AGMO: variants seen among roughly 807,000 people sequenced by gnomAD.
The protein encoded by AGMO is alkylglycerol monooxygenase, also known as glyceryl-ether monooxygenase.
A neutral mutation model predicts 60.2 loss-of-function variants in AGMO; 75 were observed. That is an observed-to-expected ratio of 1.25 (90% CI 1.03 to 1.51). The LOEUF is 1.51. AGMO is among the 40% of genes most tolerant of loss of function. AGMO has a pLI of 0.00. For synonymous variants in AGMO, 261 were observed against 177.1 expected, an observed-to-expected ratio of 1.47 and a Z score of -3.76; for missense variants, 763 against 525.5, an observed-to-expected ratio of 1.45 and a Z score of -4.42.
the AGMO span, among the ~76,000 whole-genome samples, chr7:15,144,916 G>A: frequency 6.6e-6 from 1 of 152,126 alleles, no homozygotes; most frequent in African/African-American, 2.4e-5. Context: ...TGCAAGCTCC[G>A]CCTTCCGGGT....
At position 15,390,912 on chromosome 7, in the gene AGMO, G is replaced by A. The variant is rs751295715; in HGVS notation, c.677-7C>T. ...ATGCAATAACGATTTCTGCCTATGA[G>A]ACAAAATATTAGAAATTTTTTTTCA... On this transcript the variant is annotated splice_polypyrimidine_tract_variant and splice_region_variant and intron_variant, in intron 6 of 12. Transcript: ENST00000342526. 6.4e-6 allele frequency: 10 copies of A among 1,566,220 alleles called. No homozygotes were observed. In the African/African-American group the frequency reaches 9.6e-5, roughly 15 times the overall value.
intron 12 of AGMO, among the ~76,000 whole-genome samples, chr7:15,251,298 G>A (rs76527197): frequency 0.013 from 2,043 of 152,176 alleles, 26 homozygotes; most frequent in Non-Finnish European, 0.019. Flanking sequence ...ACTTAAATCA[G>A]AGACTGAGGG....
chr7:15,394,476 T>G (rs535079508), intron 5 of AGMO, among the ~76,000 whole-genome samples: 1 of 152,308 alleles, frequency 6.6e-6, no homozygotes, highest in South Asian at 2.1e-4. Flanking sequence ...GGGAAACGAC[T>G]AGGTTTTCAT....
chr7:15,171,740 A>ACCAG, the AGMO span, among the ~76,000 whole-genome samples: 1 of 152,208 alleles, frequency 6.6e-6, no homozygotes, highest in African/African-American at 2.4e-5. Context: ...CAAGTTTCTT[A>ACCAG]TTAACATTTA....
At chr7:15,498,060 G>A (rs1298611361) in intron 3 of AGMO, among the ~76,000 whole-genome samples, 1 of 151,944 alleles carries the variant, frequency 6.6e-6, no homozygotes, top group African/African-American at 2.4e-5. Flanking sequence ...TCCCCTCAGT[G>A]AATTAGATCA....
chr7:15,544,994 A>G (rs959537552), intron 2 of AGMO, 71 bp from the exon 3 acceptor site: 19 of 1,114,016 alleles, frequency 1.7e-5, no homozygotes, highest in Non-Finnish European at 2.1e-5. Context: ...AATGTTTTAG[A>G]TAACATTTAA....
At position 15,555,282 on chromosome 7, in the gene AGMO, TATATATATATACACAC is replaced by T. The variant is rs1442167571; in HGVS notation, c.257+4843_257+4858del. Among the ~76,000 whole-genome samples the T allele has an allele frequency of 6.0e-5, 6 of 99,366 alleles. No individual in the cohort carries two copies. In the East Asian group the frequency reaches 1.6e-3, roughly 26 times the overall value. The allele number at this position is 99,366 out of a possible 152,430, so 65.2% of individuals were successfully genotyped here. A position where few individuals can be genotyped will look rare whatever the true frequency, so the allele number is the denominator to read the frequency against. On this transcript the variant is annotated intron_variant, in intron 2 of 12. Transcript: ENST00000342526. ...TAATGTATTGGATCATATATATATA[TATATATATATACACAC>T]ACACACACACACACACACACACACA...
chr7:15,554,474 A>G (rs1251270880), intron 2 of AGMO, among the ~76,000 whole-genome samples: 5 of 152,052 alleles, frequency 3.3e-5, no homozygotes, highest in Non-Finnish European at 5.9e-5. Context: ...AGCAACCTGC[A>G]TATAGAGAGA....
intron 3 of AGMO, among the ~76,000 whole-genome samples, chr7:15,478,628 C>T (rs1782661020): frequency 6.6e-6 from 1 of 152,074 alleles, no homozygotes; most frequent in Admixed American, 6.6e-5. Context: ...ATTTGCTGAA[C>T]TGAATAGAAC....
chr7:15,365,920 T>C (rs1782958379), intron 11 of AGMO, among the ~76,000 whole-genome samples: 1 of 152,066 alleles, frequency 6.6e-6, no homozygotes, highest in Non-Finnish European at 1.5e-5. Context: ...TGAGACTCTT[T>C]TCACTGATTT....
chr7:15,456,106 T>A (rs915084301), intron 3 of AGMO, among the ~76,000 whole-genome samples: 1 of 152,066 alleles, frequency 6.6e-6, no homozygotes, highest in Non-Finnish European at 1.5e-5. Flanking sequence ...CATTTAAAAA[T>A]TCTATCTTAT....
chr7:15,233,880 C>A (rs1782335020), intron 12 of AGMO, among the ~76,000 whole-genome samples: 1 of 152,100 alleles, frequency 6.6e-6, no homozygotes, highest in Non-Finnish European at 1.5e-5. Flanking sequence ...AACCCTGTCT[C>A]TACTAAAAAT....
chr7:15,170,615 T>G, the AGMO span, among the ~76,000 whole-genome samples: 1 of 152,218 alleles, frequency 6.6e-6, no homozygotes, highest in East Asian at 1.9e-4. Context: ...AAAGATAGTA[T>G]AGAGTATTTC....
chr7:15,256,531 G>T (rs1026073338), intron 12 of AGMO, among the ~76,000 whole-genome samples: 13 of 152,034 alleles, frequency 8.6e-5, no homozygotes, highest in Middle Eastern at 3.4e-3. Flanking sequence ...GTAATTTTTT[G>T]TGTGTGTATT....
intron 3 of AGMO, among the ~76,000 whole-genome samples, chr7:15,463,759 T>C (rs1782206468): frequency 6.6e-6 from 1 of 152,178 alleles, no homozygotes; most frequent in Admixed American, 6.5e-5. Flanking sequence ...GAGCCTTTTC[T>C]TTCTGTCTGA....
At chr7:15,198,257 C>CAGAGAGAGAGAGAGAGAGAG (rs1229360945), downstream of AGMO, among the ~76,000 whole-genome samples, 45 of 56,580 alleles carry the variant, frequency 8.0e-4, no homozygotes, top group African/African-American at 4.0e-3. Context: ...GAGAGAGAGA[C>CAGAGAGAGAGAGAGAGAGAG]AGAGACAGAG....
At chr7:15,450,568 G>A (rs2128505379) in intron 3 of AGMO, among the ~76,000 whole-genome samples, 1 of 152,080 alleles carries the variant, frequency 6.6e-6, no homozygotes, top group East Asian at 1.9e-4. Flanking sequence ...AAAGGACCAA[G>A]ACTATCTTTG....
rs1277622694 is a variant in AGMO, at chr7:15,366,133, T to G, written c.1157+7A>C. ...AGTAAAAACAATGCAAGAATTTCAC[T>G]TCTTGCCTTTGATCCAGAAGAAATC... On this transcript the variant is annotated splice_region_variant and intron_variant, in intron 11 of 12. Coordinates refer to ENST00000342526, the MANE Select transcript of AGMO (RefSeq NM_001004320.2). 8 of 1,598,368 alleles carry G rather than the reference T, an allele frequency of 5.0e-6. No individual in the cohort carries two copies. The highest frequency in any genetic ancestry group is 6.0e-6 in the Non-Finnish European group (7 of 1,170,398).
intron 10 of AGMO, among the ~76,000 whole-genome samples, chr7:15,366,425 G>T (rs978565807): frequency 6.6e-6 from 1 of 152,072 alleles, no homozygotes; most frequent in Non-Finnish European, 1.5e-5. Context: ...TGGAGAATTA[G>T]ACAATTCCAT....
Sources: gnomAD v4.1 joint callset for allele counts (sites outside exome capture counted in the v4.1 genomes callset) on GRCh38, gnomAD v4.1.1 for gene constraint, MANE v1.5 for transcripts, NCBI Gene and HGNC (gene_info 2026-07-23, HGNC 2026-07-21) for gene names.